Variants in LHX2 observed in about 807,000 individuals in gnomAD.
LHX2 encodes LIM homeobox 2, also known as LIM/homeobox protein Lhx2.
In LHX2, 6 loss-of-function variants were observed where a neutral mutation model predicts 33.0. The observed-to-expected ratio is 0.18, with a 90% CI of 0.10 to 0.36. The LOEUF (loss-of-function observed/expected upper bound fraction) is 0.36, where lower values mean the gene tolerates loss of function less well. Among genes scored for constraint, LHX2 ranks in the 10% least tolerant of loss-of-function variants. LHX2 has a pLI of 1.00. For synonymous variants in LHX2, 292 were observed against 253.1 expected (o/e 1.15, Z -1.46); for missense variants, 442 against 586.2 (o/e 0.75, Z 2.54).
intron 4 of LHX2, among the ~76,000 whole-genome samples, chr9:124,027,601 A>G (rs1588351831): frequency 6.6e-6 from 1 of 152,028 alleles, no homozygotes; most frequent in East Asian, 1.9e-4. Context: ...GGCAGATCAC[A>G]AGGTCAGGAG....
chr9:124,026,227 G>A (rs1476180453), intron 4 of LHX2, among the ~76,000 whole-genome samples: 1 of 152,130 alleles, frequency 6.6e-6, no homozygotes, highest in Non-Finnish European at 1.5e-5. Flanking sequence ...GGGAGGCGGA[G>A]GCGGGTGGAT....
In LHX2 at chr9:124,015,386, C is replaced by G; in HGVS notation, c.588C>G (p.Ala196=). 6.2e-7 allele frequency: 1 copy of G among 1,609,592 alleles called. No individual in the cohort carries two copies. Among genetic ancestry groups the G allele is most frequent in the Non-Finnish European group, 8.5e-7 (1 of 1,177,728 alleles). Residue 196 remains alanine (A), a synonymous_variant, in exon 3 of 5, where the codon GCC becomes GCG. Coordinates refer to ENST00000373615, the MANE Select transcript of LHX2 (RefSeq NM_004789.4). This position sits in a 1 kb window ranked among gnomAD's most constrained non-coding sequence, Gnocchi z 7.9. ...VAAAAAAAAA[A]KSAGLGAAGA... ...CGGCGGCCGCTGCAGCCGCGGCGGC[C>G]AAGAGCGCGGGGCTGGGCGCAGCAG...
intron 3 of LHX2, among the ~76,000 whole-genome samples, chr9:124,020,260 C>T (rs1318591907): frequency 2.0e-5 from 3 of 152,134 alleles, no homozygotes; most frequent in Non-Finnish European, 4.4e-5. Context: ...GTGTCTACTA[C>T]ATGTTTATTT....
rs2118748451 is a variant in LHX2 at position 124,015,093 on chromosome 9, C to T, written c.324-29C>T. 6.2e-7 allele frequency: 1 copy of T among 1,606,020 alleles called. No individual in the cohort carries two copies. The highest frequency in any genetic ancestry group is 2.2e-5 in the East Asian group (1 of 44,852). ...AGGGGGGTACCCAACCGTGTGTTCC[C>T]ACAGCCCCTCCCTCCATGGTCCCTA... On this transcript the variant is annotated intron_variant, in intron 2 of 4. Coordinates refer to ENST00000373615, the MANE Select transcript of LHX2 (RefSeq NM_004789.4). This position sits in a 1 kb window ranked among gnomAD's most constrained non-coding sequence, Gnocchi z 7.9.
chr9:124,031,654 A>T (rs1455699818), intron 4 of LHX2: 1 of 152,246 alleles, frequency 6.6e-6, no homozygotes, highest in Admixed American at 6.5e-5. Context: ...TATTTTGCTT[A>T]ACTCAGTATA....
chr9:124,026,486 C>T (rs1387095318), intron 4 of LHX2, among the ~76,000 whole-genome samples: 1 of 150,298 alleles, frequency 6.7e-6, no homozygotes, highest in Non-Finnish European at 1.5e-5. Flanking sequence ...AGACATTGAA[C>T]AAGACCCCAC....
rs917344465 is a variant in LHX2 at position 124,015,410 on chromosome 9, A to T, written c.612A>T (p.Ala204=). ...AAAKSAGLGA[A]GANPLGLPYY... ...CCAAGAGCGCGGGGCTGGGCGCAGC[A>T]GGGGCCAACCCTCTGGGTCTTCCCT... The change falls in exon 3 of 5, where the codon GCA becomes GCT. Residue 204 remains alanine (A), a synonymous_variant. Transcript: ENST00000373615. This position sits in a 1 kb window ranked among gnomAD's most constrained non-coding sequence, Gnocchi z 7.9. The T allele has an allele frequency of 3.1e-6, 5 of 1,605,152 alleles. No individual in the cohort carries two copies. Among genetic ancestry groups the T allele is most frequent in the Non-Finnish European group, 4.3e-6 (5 of 1,175,542 alleles).
intron 3 of LHX2, among the ~76,000 whole-genome samples, chr9:124,019,784 G>A (rs756243662): frequency 7.9e-5 from 12 of 152,192 alleles, no homozygotes; most frequent in Non-Finnish European, 1.5e-4. Flanking sequence ...CACTTTAGGC[G>A]GACCGAATGT....
intron 4 of LHX2, among the ~76,000 whole-genome samples, chr9:124,030,896 G>T (rs1041468868): frequency 5.3e-5 from 8 of 152,250 alleles, no homozygotes; most frequent in Admixed American, 1.3e-4. Flanking sequence ...GCCTCCCAAA[G>T]TGCTGGGATT....
rs1183752056 is a variant in LHX2 at position 124,014,782 on chromosome 9, A to T, written c.324-340A>T. Among the ~76,000 whole-genome samples the T allele has an allele frequency of 6.6e-6, 1 of 152,120 alleles. No individual in the cohort carries two copies. Among genetic ancestry groups the T allele is most frequent in the Non-Finnish European group, 1.5e-5 (1 of 68,012 alleles). On this transcript the variant is annotated intron_variant, in intron 2 of 4. Coordinates refer to ENST00000373615, the MANE Select transcript of LHX2 (RefSeq NM_004789.4). The surrounding 1 kb of genome is among the most constrained non-coding windows in gnomAD (Gnocchi z 4.8). ...CTTCCAAATTATAAAAGTCAGTAGG[A>T]TTCCCAGGCGCTGGTTTGGAGGGAG...
chr9:124,023,075 G>A (rs950386973), intron 4 of LHX2, among the ~76,000 whole-genome samples: 5 of 152,188 alleles, frequency 3.3e-5, no homozygotes, highest in African/African-American at 1.2e-4. Context: ...TGCCTTCTTG[G>A]GGTTAGGTCA....
At position 124,016,067 on chromosome 9, in the gene LHX2, G is replaced by A. The variant is rs940555076; in HGVS notation, c.727+542G>A. 1.3e-5 allele frequency among the ~76,000 whole-genome samples: 2 copies of A among 152,240 alleles called. No individual in the cohort carries two copies. Among genetic ancestry groups the A allele is most frequent in the African/African-American group, 2.4e-5 (1 of 41,462 alleles). On this transcript the variant is annotated intron_variant, in intron 3 of 4. Coordinates refer to ENST00000373615, the MANE Select transcript of LHX2 (RefSeq NM_004789.4). The surrounding 1 kb of genome is among the most constrained non-coding windows in gnomAD (Gnocchi z 4.4). ...GGGAACTCAGGAAAGCAAAGGCTGC[G>A]GTTCCTTTTGCTCGGCCCGATCCTC...
intron 3 of LHX2, 132 bp from the exon 4 acceptor site, chr9:124,020,967 C>G: frequency 1.3e-6 from 1 of 754,342 alleles, no homozygotes; most frequent in South Asian, 1.7e-5. Flanking sequence ...GGATGATGTC[C>G]CCCTTTCATT....
intron 4 of LHX2, among the ~76,000 whole-genome samples, chr9:124,026,122 G>A (rs112032593): frequency 0.016 from 2,448 of 152,258 alleles, 65 homozygotes; most frequent in African/African-American, 0.056. Flanking sequence ...GCCATGTGCC[G>A]GGCAGGGCTG....
In LHX2 at chr9:124,015,362, G is replaced by T. The variant is rs756562778; in HGVS notation, c.564G>T (p.Ala188=). The change falls in exon 3 of 5, where the codon GCG becomes GCT. Residue 188 remains alanine, a synonymous_variant. Coordinates refer to ENST00000373615, the MANE Select transcript of LHX2 (RefSeq NM_004789.4). This position sits in a 1 kb window ranked among gnomAD's most constrained non-coding sequence, Gnocchi z 7.9. ...ACTTCAACCATGCCGACGTGGCAGCGGCGGCCGCTGCAGCCGCGGCGGCCA... is the reference window on the plus strand; with the variant it reads ...ACTTCAACCATGCCGACGTGGCAGCTGCGGCCGCTGCAGCCGCGGCGGCCA... The part of the protein sequence containing the change: ...PAHFNHADVA[A]AAAAAAAAKS... 2 of 1,610,044 alleles carry T rather than the reference G, an allele frequency of 1.2e-6. No individual in the cohort carries two copies. Among genetic ancestry groups the T allele is most frequent in the Admixed American group, 3.3e-5 (2 of 59,798 alleles).
chr9:124,026,739 A>G (rs7034912), intron 4 of LHX2, among the ~76,000 whole-genome samples: 1,635 of 152,310 alleles, frequency 0.011, 29 homozygotes, highest in African/African-American at 0.037. Flanking sequence ...TTATTTGGCC[A>G]TATAATTCTT....
At chr9:124,025,549 G>A (rs1202726474) in intron 4 of LHX2, among the ~76,000 whole-genome samples, 1 of 152,056 alleles carries the variant, frequency 6.6e-6, no homozygotes, top group African/African-American at 2.4e-5. Context: ...CTGTGGAAGG[G>A]CCAGGGAAGC....
At chr9:124,025,303 T>A (rs1828597788) in intron 4 of LHX2, among the ~76,000 whole-genome samples, 1 of 151,780 alleles carries the variant, frequency 6.6e-6, no homozygotes, top group East Asian at 1.9e-4. Flanking sequence ...TAGCCGGGCG[T>A]GGTGGCATGT....
intron 4 of LHX2, among the ~76,000 whole-genome samples, chr9:124,025,939 T>C (rs1828614423): frequency 6.6e-6 from 1 of 151,826 alleles, no homozygotes; most frequent in Non-Finnish European, 1.5e-5. Context: ...GAGCTGAGAT[T>C]GTGCCACTGC....
Sources: gnomAD v4.1 joint callset for allele counts (sites outside exome capture counted in the v4.1 genomes callset) on GRCh38, gnomAD v4.1.1 for gene constraint, Gnocchi (gnomAD v3.1) non-coding constraint, MANE v1.5 for transcripts, NCBI Gene and HGNC (gene_info 2026-07-23, HGNC 2026-07-21) for gene names.